MRM3: variants seen among roughly 807,000 people sequenced by gnomAD.
MRM3 encodes the protein mitochondrial rRNA methyltransferase 3.
MRM3 carries 26 observed loss-of-function variants against 29.4 expected under a neutral mutation model. The ratio of observed to expected loss-of-function variants is 0.89; its 90% CI spans 0.65 to 1.23. MRM3 has a LOEUF of 1.23. Ranked by LOEUF, MRM3 falls within the 50% of genes most tolerant of loss-of-function variation. The pLI is 0.00. For missense variants in MRM3, 578 were observed against 540.2 expected (o/e 1.07, Z -0.69); for synonymous variants, 225 against 219.0 (o/e 1.03, Z -0.24).
intron 2 of MRM3, among the ~76,000 whole-genome samples, chr17:784,652 A>G (rs1910448473): frequency 1.3e-5 from 2 of 152,160 alleles, no homozygotes; most frequent in African/African-American, 4.8e-5. Flanking sequence ...TTATGTTACT[A>G]TATTTTAGAT....
intron 3 of MRM3, among the ~76,000 whole-genome samples, chr17:789,035 G>T (rs1298975290): frequency 6.6e-6 from 1 of 152,102 alleles, no homozygotes; most frequent in Admixed American, 6.6e-5. Context: ...GTGTTGCCCA[G>T]GCTAATCTGG....
Position 787,842 on chromosome 17 carries a change from C to A in MRM3, c.560-123C>A. ...GGGATTACAGGCATGAGCCAGTACACCTGGCCTGTATTCCTGTATTTTTAT... is the reference window on the plus strand; with the variant it reads ...GGGATTACAGGCATGAGCCAGTACAACTGGCCTGTATTCCTGTATTTTTAT... On this transcript the variant is annotated intron_variant, in intron 2 of 3. Coordinates refer to ENST00000304478, the MANE Select transcript of MRM3 (RefSeq NM_018146.4). This position sits in a 1 kb window ranked among gnomAD's most constrained non-coding sequence, Gnocchi z 4.1. 1 of 1,026,920 alleles carries A rather than the reference C, an allele frequency of 9.7e-7. No individual in the cohort carries two copies. Among genetic ancestry groups the A allele is most frequent in the South Asian group, 1.4e-5 (1 of 69,892 alleles). 63.6% of individuals were successfully genotyped at this position (1,026,920 alleles called of 1,614,324 possible).
chr17:787,851 T>C lies in MRM3; in HGVS notation c.560-114T>C. 1 of 1,103,118 alleles carries C rather than the reference T, an allele frequency of 9.1e-7. No individual in the cohort carries two copies. Among genetic ancestry groups the C allele is most frequent in the Non-Finnish European group, 1.4e-6 (1 of 737,788 alleles). 68.3% of individuals were successfully genotyped at this position (1,103,118 alleles called of 1,614,324 possible). A position where few individuals can be genotyped will look rare whatever the true frequency, so the allele number is the denominator to read the frequency against. On this transcript the variant is annotated intron_variant, in intron 2 of 3. Transcript: ENST00000304478. The surrounding 1 kb of genome is among the most constrained non-coding windows in gnomAD (Gnocchi z 4.1). ...GGCATGAGCCAGTACACCTGGCCTG[T>C]ATTCCTGTATTTTTATGTAACTAAG...
intron 1 of MRM3, 42 bp downstream of exon 1, chr17:782,734 T>G (rs760943459): frequency 6.4e-7 from 1 of 1,553,004 alleles, no homozygotes; most frequent in Non-Finnish European, 8.7e-7. Context: ...TCGTTTCCCT[T>G]CCCGTCGCAC....
At chr17:789,925 A>C (rs1597597715) in intron 3 of MRM3, 1 of 152,218 alleles carries the variant, frequency 6.6e-6, no homozygotes, top group African/African-American at 2.4e-5. Context: ...TCTCCCCTCC[A>C]GGCAGAGGGG....
rs762508867 is a variant in MRM3 at position 787,931 on chromosome 17, C to G, written c.560-34C>G. On this transcript the variant is annotated intron_variant, in intron 2 of 3. Coordinates refer to ENST00000304478, the MANE Select transcript of MRM3 (RefSeq NM_018146.4). The surrounding 1 kb of genome is among the most constrained non-coding windows in gnomAD (Gnocchi z 4.1). ...AGTCAGACTATTCCCCGTGCCCACA[C>G]CAGGCAAGTAAACCACCTGTTTTGT... 10 of 1,606,836 alleles carry G rather than the reference C, an allele frequency of 6.2e-6. No individual in the cohort carries two copies. In the Admixed American group the frequency reaches 6.7e-5, roughly 11 times the overall value.
chr17:788,322 C>T (rs1432067410), intron 3 of MRM3, 190 bp downstream of exon 3: 13 of 549,840 alleles, frequency 2.4e-5, no homozygotes, highest in Non-Finnish European at 3.8e-5. Context: ...GTCCCAGCAA[C>T]TTGGGAGGCT....
At chr17:791,491 G>C (rs755142883) in intron 3 of MRM3, 43 bp from the exon 4 acceptor site, 47 of 1,582,032 alleles carry the variant, frequency 3.0e-5, no homozygotes, top group Non-Finnish European at 3.5e-5. Context: ...CCCTGGTCTG[G>C]GAAGATTTGT....
Position 792,246 on chromosome 17 carries a change from C to T in MRM3, c.*177C>T, listed in dbSNP as rs941118389. 1.7e-6 allele frequency: 1 copy of T among 595,204 alleles called. No homozygotes were observed. Among genetic ancestry groups the T allele is most frequent in the Non-Finnish European group, 2.8e-6 (1 of 356,688 alleles). The allele number at this position is 595,204 out of a possible 1,614,324, so 36.9% of individuals were successfully genotyped here. A position where few individuals can be genotyped will look rare whatever the true frequency, so the allele number is the denominator to read the frequency against. ...TCAGAAAGAACAGGTCCGAATTCTTCCTGTCGCGTCACTGATTTTGAGGTT... is the reference window on the plus strand; with the variant it reads ...TCAGAAAGAACAGGTCCGAATTCTTTCTGTCGCGTCACTGATTTTGAGGTT... On this transcript the variant is annotated 3_prime_UTR_variant, in exon 4 of 4. Transcript: ENST00000304478.
chr17:782,462 C>T lies in MRM3; in HGVS notation c.84C>T (p.Arg28=), dbSNP rs780100937. The change falls in exon 1 of 4, where the codon CGC becomes CGT. Residue 28 remains arginine (R), a synonymous_variant. Coordinates refer to ENST00000304478, the MANE Select transcript of MRM3 (RefSeq NM_018146.4). ...VVQAWDLDAR[R]WVRALRRSPV... is the part of the protein sequence containing the mutation. ...AGGCTTGGGACCTTGACGCGAGGCGCTGGGTCCGGGCGCTGCGGCGGAGCC... is the reference window on the plus strand; with the variant it reads ...AGGCTTGGGACCTTGACGCGAGGCGTTGGGTCCGGGCGCTGCGGCGGAGCC... The T allele has an allele frequency of 1.2e-6, 2 of 1,613,930 alleles. No homozygotes were observed. The highest frequency in any genetic ancestry group is 2.2e-5 in the South Asian group (2 of 91,074).
In MRM3 at chr17:787,991, A is replaced by G; in HGVS notation, c.586A>G (p.Lys196Glu). ...MGIFAKPDHV[K>E]MTYPKTQLQH... ...GATTTTTGCCAAGCCTGACCATGTT[A>G]AGATGACATATCCAAAGACTCAGCT... The change falls in exon 3 of 4, where the codon AAG (lysine) becomes GAG (glutamate). Residue 196 changes from lysine (K) to glutamate (E), a missense_variant. By Grantham distance (56) the Lys-to-Glu change is moderately conservative. Coordinates refer to ENST00000304478, the MANE Select transcript of MRM3 (RefSeq NM_018146.4). The surrounding 1 kb of genome is among the most constrained non-coding windows in gnomAD (Gnocchi z 4.1). 6.2e-7 allele frequency: 1 copy of G among 1,614,010 alleles called. No individual in the cohort carries two copies.
rs1055673100 is a variant in MRM3, at chr17:783,368, G to A, written c.559+41G>A. ...GTGTATCTTTTTTTTTTTTTGTCTTGTTCTGTCACCCAGGCTGGAGTGCAA... is the reference window on the plus strand; with the variant it reads ...GTGTATCTTTTTTTTTTTTTGTCTTATTCTGTCACCCAGGCTGGAGTGCAA... On this transcript the variant is annotated intron_variant, in intron 2 of 3. Coordinates refer to ENST00000304478, the MANE Select transcript of MRM3 (RefSeq NM_018146.4). The A allele has an allele frequency of 1.3e-5, 20 of 1,510,916 alleles. No homozygotes were observed. The Admixed American group carries it at 2.6e-4, about 19-fold the overall frequency. 93.6% of individuals were successfully genotyped at this position (1,510,916 alleles called of 1,614,324 possible).
rs145946326 is a variant in MRM3, at chr17:791,285, C to T, written c.728-249C>T. On this transcript the variant is annotated intron_variant, in intron 3 of 3. Transcript: ENST00000304478. ...ACTTTCATTATCTTTGCATCTTCTG[C>T]GCAGTGTCTGGCACGTGTGAATGGG... is the stretch of plus-strand genomic sequence containing the variant. Among the ~76,000 whole-genome samples the T allele has an allele frequency of 3.9e-5, 6 of 152,238 alleles. No individual in the cohort carries two copies. In the East Asian group the frequency reaches 9.7e-4, roughly 25 times the overall value.
Position 782,368 on chromosome 17 carries a change from TC to T in MRM3, c.-10del. 6.2e-7 allele frequency: 1 copy of T among 1,613,394 alleles called. No individual in the cohort carries two copies. The highest frequency in any genetic ancestry group is 2.2e-5 in the East Asian group (1 of 44,862). ...GCGCGCTTTCGTGACGCAGCCCGGG[TC>T]TCAGGGAACATGGCGGCGCTGGTGA... On this transcript the variant is annotated 5_prime_UTR_variant, in exon 1 of 4. Transcript: ENST00000304478.
intron 2 of MRM3, among the ~76,000 whole-genome samples, chr17:784,171 G>A (rs752583473): frequency 3.3e-5 from 5 of 152,194 alleles, no homozygotes; most frequent in Admixed American, 6.5e-5. Flanking sequence ...GAGAAGATAA[G>A]TTTTTCATAC....
rs1467644369 is a variant in MRM3, at chr17:787,505, G to A, written c.560-460G>A. ...GAGAGTGGTACTGGTAGAATTTTAT[G>A]TTGTTTGAATTTTGCCAATCAGAAT... On this transcript the variant is annotated intron_variant, in intron 2 of 3. Transcript: ENST00000304478. This position sits in a 1 kb window ranked among gnomAD's most constrained non-coding sequence, Gnocchi z 4.1. 1.3e-5 allele frequency among the ~76,000 whole-genome samples: 2 copies of A among 151,990 alleles called. No individual in the cohort carries two copies. Among genetic ancestry groups the A allele is most frequent in the East Asian group, 3.9e-4 (2 of 5,188 alleles).
intron 3 of MRM3, among the ~76,000 whole-genome samples, chr17:789,023 C>G (rs1471462764): frequency 6.6e-6 from 1 of 152,128 alleles, no homozygotes; most frequent in Non-Finnish European, 1.5e-5. Flanking sequence ...CGGGGTCTTG[C>G]TGTGTTGCCC....
At chr17:786,837 G>T (rs1450103652) in intron 2 of MRM3, among the ~76,000 whole-genome samples, 1 of 152,206 alleles carries the variant, frequency 6.6e-6, no homozygotes, top group East Asian at 1.9e-4. Context: ...TTAGACACAT[G>T]GACAGACAGT....
At chr17:788,225 C>T (rs368211265) in intron 3 of MRM3, 93 bp downstream of exon 3, 11 of 1,257,078 alleles carry the variant, frequency 8.8e-6, no homozygotes, top group African/African-American at 4.5e-5. Flanking sequence ...CCCAGGAGTT[C>T]AGGACCATCC....
Sources: allele counts gnomAD v4.1 joint callset (sites outside exome capture counted in the v4.1 genomes callset), GRCh38; gene constraint gnomAD v4.1.1; non-coding constraint Gnocchi (gnomAD v3.1); transcripts MANE v1.5; gene names NCBI Gene and HGNC (gene_info 2026-07-23, HGNC 2026-07-21).